Variants in PCDH15 observed in about 807,000 individuals in gnomAD.
PCDH15 encodes the protein protocadherin-15.
A neutral mutation model predicts 178.5 loss-of-function variants in PCDH15; 129 were observed. The observed-to-expected ratio is 0.72, with a 90% CI of 0.63 to 0.84. PCDH15 has a LOEUF of 0.84. Ranked by LOEUF, PCDH15 falls within the 40% of genes least tolerant of loss-of-function variation. The pLI, the probability that PCDH15 is intolerant of heterozygous loss-of-function variation, is 0.00. For missense variants in PCDH15, 2,230 were observed against 2,099.9 expected (o/e 1.06, Z -1.21); for synonymous variants, 800 against 732.0 (o/e 1.09, Z -1.50).
intron 2 of PCDH15, among the ~76,000 whole-genome samples, chr10:55,589,097 A>G (rs1048228135): frequency 1.8e-4 from 27 of 151,696 alleles, no homozygotes; most frequent in African/African-American, 5.6e-4. Flanking sequence ...AAAAAAAAAA[A>G]AAAAGAAAGA....
At chr10:55,125,557 C>T (rs377762778) in intron 2 of PCDH15, among the ~76,000 whole-genome samples, 4 of 151,810 alleles carry the variant, frequency 2.6e-5, no homozygotes, top group East Asian at 1.9e-4. Flanking sequence ...AGAATGTATC[C>T]GGAGAAACAA....
intron 8 of PCDH15, among the ~76,000 whole-genome samples, chr10:54,264,781 C>T (rs1279345513): frequency 2.0e-5 from 3 of 152,062 alleles, no homozygotes; most frequent in Admixed American, 6.5e-5. Context: ...ACCAATTCTA[C>T]AACTTATTGA....
At chr10:54,421,862 TAC>T (rs1565231357) in intron 3 of PCDH15, among the ~76,000 whole-genome samples, 6 of 113,952 alleles carry the variant, frequency 5.3e-5, no homozygotes, top group South Asian at 2.8e-4. Context: ...TATATATATA[TAC>T]ACACACTATA....
intron 11 of PCDH15, among the ~76,000 whole-genome samples, chr10:54,191,323 C>T (rs1207685646): frequency 6.6e-6 from 1 of 152,034 alleles, no homozygotes; most frequent in Non-Finnish European, 1.5e-5. Context: ...ATAATGAATA[C>T]CGTGGAAAGA....
Position 55,211,728 on chromosome 10 carries a change from T to C in PCDH15, c.-155-45077A>G, listed in dbSNP as rs144709090. 2.4e-4 allele frequency among the ~76,000 whole-genome samples: 37 copies of C among 152,160 alleles called. No homozygotes were observed. The East Asian group carries it at 6.0e-3, about 25-fold the overall frequency. On this transcript the variant is annotated intron_variant, in intron 1 of 5. Transcript: ENST00000458638. ...GCCAATAAAGCGGGCAGACACTAAA[T>C]ATATATAGACAAATTGACTTAAAGT...
rs534379406 is a variant in PCDH15 at position 55,475,611 on chromosome 10, C to T, written c.-156+152014G>A. Reference sequence around the variant, plus strand: ...TAAAACTTTGTTCCATAAGCAAATTCTTTACAATATTGTACACAATTACTT... The same window carrying T: ...TAAAACTTTGTTCCATAAGCAAATTTTTTACAATATTGTACACAATTACTT... On this transcript the variant is annotated intron_variant, in intron 2 of 5. Transcript: ENST00000613346. Among the ~76,000 whole-genome samples, 252 of 152,136 alleles carry T rather than the reference C, an allele frequency of 1.7e-3. 2 individuals carry two copies. Among genetic ancestry groups the T allele is most frequent in the African/African-American group, 5.9e-3 (246 of 41,524 alleles).
chr10:55,522,174 A>T (rs1841190788), intron 2 of PCDH15, among the ~76,000 whole-genome samples: 1 of 151,920 alleles, frequency 6.6e-6, no homozygotes, highest in Non-Finnish European at 1.5e-5. Context: ...ATAATACTTA[A>T]GAATTCTCTT....
intron 1 of PCDH15, among the ~76,000 whole-genome samples, chr10:54,797,200 A>AC (rs1319667336): frequency 6.6e-6 from 1 of 152,078 alleles, no homozygotes; most frequent in Non-Finnish European, 1.5e-5. Flanking sequence ...GAGAATGCTT[A>AC]CACTCTAAAA....
chr10:55,364,588 G>T (rs1322152753), intron 2 of PCDH15, among the ~76,000 whole-genome samples: 5 of 152,050 alleles, frequency 3.3e-5, no homozygotes, highest in Admixed American at 3.3e-4. Flanking sequence ...TTTCACAGAG[G>T]CACATGGCTA....
intron 2 of PCDH15, among the ~76,000 whole-genome samples, chr10:54,956,334 A>G (rs1838485859): frequency 6.6e-6 from 1 of 151,532 alleles, no homozygotes; most frequent in Non-Finnish European, 1.5e-5. Context: ...ATGGTAAACA[A>G]TGAGTTATAT....
intron 1 of PCDH15, among the ~76,000 whole-genome samples, chr10:54,783,677 T>C (rs554835086): frequency 6.6e-6 from 1 of 152,190 alleles, no homozygotes; most frequent in African/African-American, 2.4e-5. Context: ...AGGGTTTTCT[T>C]ATCGATACTT....
intron 3 of PCDH15, among the ~76,000 whole-genome samples, chr10:54,514,007 G>A (rs948269425): frequency 5.3e-5 from 8 of 152,168 alleles, no homozygotes; most frequent in Admixed American, 1.3e-4. Flanking sequence ...GCATGGCTTC[G>A]TATTCACAGG....
At chr10:55,419,777 A>C (rs2132043964) in intron 2 of PCDH15, among the ~76,000 whole-genome samples, 1 of 151,622 alleles carries the variant, frequency 6.6e-6, no homozygotes, top group South Asian at 2.1e-4. Flanking sequence ...GTTGGAGTTG[A>C]CTACTTGGCA....
At chr10:54,710,662 T>C (rs1412959820) in intron 1 of PCDH15, among the ~76,000 whole-genome samples, 3 of 152,010 alleles carry the variant, frequency 2.0e-5, no homozygotes, top group Non-Finnish European at 2.9e-5. Flanking sequence ...AGAAATGTTT[T>C]CCTAATTGCT....
Position 53,805,353 on chromosome 10 carries a change from T to A in PCDH15, c.*1226A>T, listed in dbSNP as rs1248656718. 1 of 152,030 alleles carries A rather than the reference T, an allele frequency of 6.6e-6. No individual in the cohort carries two copies. The highest frequency in any genetic ancestry group is 2.4e-5 in the African/African-American group (1 of 41,422). 9.4% of individuals were successfully genotyped at this position (152,030 alleles called of 1,614,324 possible). A position where few individuals can be genotyped will look rare whatever the true frequency, so the allele number is the denominator to read the frequency against. ...ATATTGTTTCATTCTTTTTACATCA[T>A]CTGGAAAATAAGCAACACACAAGGC... On this transcript the variant is annotated 3_prime_UTR_variant, in exon 38 of 38. Transcript: ENST00000644397.
intron 3 of PCDH15, among the ~76,000 whole-genome samples, chr10:54,466,331 AATTG>A (rs1176340175): frequency 6.6e-6 from 1 of 151,872 alleles, no homozygotes; most frequent in Non-Finnish European, 1.5e-5. Flanking sequence ...CTATGTCTTT[AATTG>A]ATCTTGGCTG....
At chr10:53,842,433 G>T (rs1036564429) in intron 28 of PCDH15, among the ~76,000 whole-genome samples, 1 of 152,070 alleles carries the variant, frequency 6.6e-6, no homozygotes, top group African/African-American at 2.4e-5. Flanking sequence ...TTTTAGTAGA[G>T]ACAGTGTTTC....
chr10:54,157,928 T>G (rs1027853003), intron 13 of PCDH15, among the ~76,000 whole-genome samples: 7 of 152,198 alleles, frequency 4.6e-5, no homozygotes, highest in Non-Finnish European at 8.8e-5. Flanking sequence ...GATTCACCTT[T>G]GCTCCAGTTC....
chr10:54,138,430 C>G (rs1488495379), intron 14 of PCDH15, among the ~76,000 whole-genome samples: 2 of 152,082 alleles, frequency 1.3e-5, no homozygotes, highest in African/African-American at 4.8e-5. Flanking sequence ...ATTGTTTCAG[C>G]AGTAGGATTG....
Sources: allele counts gnomAD v4.1 joint callset (sites outside exome capture counted in the v4.1 genomes callset), GRCh38; gene constraint gnomAD v4.1.1; transcripts MANE v1.5; gene names NCBI Gene and HGNC (gene_info 2026-07-23, HGNC 2026-07-21).